NOD2: variants seen among roughly 807,000 people sequenced by gnomAD.
The protein encoded by NOD2 is nucleotide binding oligomerization domain containing 2, also known as nucleotide-binding oligomerization domain-containing protein 2.
Under a neutral mutation model 90.9 loss-of-function variants are expected in NOD2, and 86 were observed. That is an observed-to-expected ratio of 0.95 (90% CI 0.79 to 1.13). NOD2 has a LOEUF of 1.13. NOD2 is among the 50% of genes most tolerant of loss of function. The pLI is 0.00. For synonymous variants in NOD2, 581 were observed against 554.6 expected (o/e 1.05, Z -0.67); for missense variants, 1,238 against 1,283.8 (o/e 0.96, Z 0.55).
chr16:50,704,020 C>G (rs1964066186), intron 2 of NOD2, among the ~76,000 whole-genome samples: 1 of 152,218 alleles, frequency 6.6e-6, no homozygotes, highest in Non-Finnish European at 1.5e-5. Flanking sequence ...CTAAACACTC[C>G]TGTGGAGTGA....
At position 50,711,509 on chromosome 16, in the gene NOD2, A is replaced by G; in HGVS notation, c.1517A>G (p.Gln506Arg). The change falls in exon 4 of 12, where the codon CAA becomes CGA. Residue 506 changes from glutamine (Q) to arginine (R), a missense_variant. This residue lies in a region of NOD2 where 667 missense variants were observed against 688.7 expected (regional missense o/e 0.97). Coordinates refer to ENST00000647318, the MANE Select transcript of NOD2 (RefSeq NM_001370466.1). Reference protein sequence around the residue: ...LHATPPDSASQGLGPSLLRGR... With the variant: ...LHATPPDSASRGLGPSLLRGR... ...GCCACCCCCCCAGACTCAGCTTCCCAAGGTCTGGGACCCAGTCTTCTTCGG... is the reference window on the plus strand; with the variant it reads ...GCCACCCCCCCAGACTCAGCTTCCCGAGGTCTGGGACCCAGTCTTCTTCGG... 5 of 1,613,224 alleles carry G rather than the reference A, an allele frequency of 3.1e-6. No homozygotes were observed. The highest frequency in any genetic ancestry group is 4.2e-6 in the Non-Finnish European group (5 of 1,179,954).
chr16:50,708,038 G>A (rs148716069), intron 3 of NOD2, 78 bp downstream of exon 3: 53 of 994,548 alleles, frequency 5.3e-5, no homozygotes, highest in Admixed American at 1.0e-4. Context: ...AACACACCTC[G>A]GTTAACATCC....
At chr16:50,715,274 A>G (rs1313108449) in intron 4 of NOD2, among the ~76,000 whole-genome samples, 1 of 152,204 alleles carries the variant, frequency 6.6e-6, no homozygotes, top group Non-Finnish European at 1.5e-5. Context: ...GCTTGTTGTG[A>G]GGATGAAATA....
chr16:50,707,816 GC>G, intron 2 of NOD2, 38 bp from the exon 3 acceptor site: 1 of 1,416,532 alleles, frequency 7.1e-7, no homozygotes, highest in South Asian at 1.1e-5. Context: ...TGCTCCATCA[GC>G]CTTCCTGGAA....
At chr16:50,723,769 A>C (rs553921112) in intron 9 of NOD2, among the ~76,000 whole-genome samples, 61 of 152,308 alleles carry the variant, frequency 4.0e-4, no homozygotes, top group Non-Finnish European at 7.5e-4. Context: ...GATTTTTGCA[A>C]GAATTAGATA....
In NOD2 at chr16:50,712,206, G is replaced by A; in HGVS notation, c.2214G>A (p.Gly738=). ...ARKAARGLNV[G]HLKLTFCSVG... ...AGGCTGCACGTGGCCTGAATGTTGGGCACCTCAAGTTGACATTTTGCAGTG... is the reference window on the plus strand; with the variant it reads ...AGGCTGCACGTGGCCTGAATGTTGGACACCTCAAGTTGACATTTTGCAGTG... The change falls in exon 4 of 12, where the codon GGG becomes GGA. Residue 738 remains glycine (G), a synonymous_variant. Coordinates refer to ENST00000647318, the MANE Select transcript of NOD2 (RefSeq NM_001370466.1). 1 of 1,613,900 alleles carries A rather than the reference G, an allele frequency of 6.2e-7. No individual in the cohort carries two copies. The highest frequency in any genetic ancestry group is 8.5e-7 in the Non-Finnish European group (1 of 1,180,032).
At position 50,710,800 on chromosome 16, in the gene NOD2, G is replaced by C; in HGVS notation, c.808G>C (p.Val270Leu). The C allele has an allele frequency of 6.2e-7, 1 of 1,614,148 alleles. No individual in the cohort carries two copies. The highest frequency in any genetic ancestry group is 8.5e-7 in the Non-Finnish European group (1 of 1,180,038). The change falls in exon 4 of 12, where the codon GTG becomes CTG. Residue 270 changes from valine (V) to leucine (L), a missense_variant. Val to Leu is a conservative substitution (Grantham distance 32). Transcript: ENST00000647318. ...HLNDDADTVL[V>L]VGEAGSGKST... ...CAATGACGATGCGGACACTGTGCTG[G>C]TGGTGGGTGAGGCGGGCAGTGGCAA...
intron 1 of NOD2, among the ~76,000 whole-genome samples, chr16:50,696,168 C>G (rs995376840): frequency 4.6e-5 from 7 of 152,194 alleles, no homozygotes; most frequent in Admixed American, 1.3e-4. Flanking sequence ...CCTCTCCTGT[C>G]TGCAAGGGGT....
In NOD2 at chr16:50,720,956, C is replaced by A. The variant is rs539268446; in HGVS notation, c.2633+948C>A. 1.4e-4 allele frequency among the ~76,000 whole-genome samples: 22 copies of A among 152,284 alleles called. No homozygotes were observed. The South Asian group carries it at 4.6e-3, about 32-fold the overall frequency. ...AGTAGCTGGGATTATAGGCACCCACCACCACGCCCAGCTAATTTTTGTATT... is the reference window on the plus strand; with the variant it reads ...AGTAGCTGGGATTATAGGCACCCACAACCACGCCCAGCTAATTTTTGTATT... On this transcript the variant is annotated intron_variant, in intron 7 of 11. Coordinates refer to ENST00000647318, the MANE Select transcript of NOD2 (RefSeq NM_001370466.1).
intron 3 of NOD2, among the ~76,000 whole-genome samples, chr16:50,708,880 G>A (rs969822900): frequency 6.6e-6 from 1 of 152,188 alleles, no homozygotes; most frequent in Admixed American, 6.5e-5. Context: ...ACATCAGTGC[G>A]CCACAGCAGG....
At chr16:50,714,697 C>A (rs1964703497) in intron 4 of NOD2, among the ~76,000 whole-genome samples, 1 of 151,480 alleles carries the variant, frequency 6.6e-6, no homozygotes, top group African/African-American at 2.4e-5. Context: ...GGGGAGGGCA[C>A]AGGCTCCTCT....
At position 50,699,785 on chromosome 16, in the gene NOD2, A is replaced by G; in HGVS notation, c.290A>G (p.Asp97Gly). The change falls in exon 2 of 12, where the codon GAC becomes GGC. Residue 97 changes from aspartate to glycine, a missense_variant. Asp to Gly is a moderately conservative substitution (Grantham distance 94, BLOSUM62 -1). Around this residue, in one of 3 missense-constraint regions of NOD2, gnomAD observed 567 missense variants for 577.3 expected, o/e 0.98. Coordinates refer to ENST00000647318, the MANE Select transcript of NOD2 (RefSeq NM_001370466.1). ...SQSPKLHGCWDPHSLHPARDL... is the reference protein window; with the variant it reads ...SQSPKLHGCWGPHSLHPARDL... ...TCCCCCAAGCTGCATGGCTGCTGGG[A>G]CCCCCACTCGCTCCACCCAGCCCGA... 1.2e-6 allele frequency: 2 copies of G among 1,613,534 alleles called. No individual in the cohort carries two copies. Among genetic ancestry groups the G allele is most frequent in the Non-Finnish European group, 8.5e-7 (1 of 1,179,978 alleles).
chr16:50,714,206 C>T (rs143885661), intron 4 of NOD2, among the ~76,000 whole-genome samples: 50 of 152,182 alleles, frequency 3.3e-4, no homozygotes, highest in African/African-American at 1.1e-3. Context: ...GGGATGTCCC[C>T]GTGATTACCA....
intron 11 of NOD2, 22 bp downstream of exon 11, chr16:50,729,923 G>A (rs1050407526): frequency 6.3e-7 from 1 of 1,589,974 alleles, no homozygotes; most frequent in Admixed American, 1.7e-5. Flanking sequence ...GGGCAGGCCT[G>A]TTTTAGCTCT....
At chr16:50,731,484 C>G (rs889800226) in intron 11 of NOD2, among the ~76,000 whole-genome samples, 1 of 152,176 alleles carries the variant, frequency 6.6e-6, no homozygotes, top group Non-Finnish European at 1.5e-5. Context: ...AAAAGAATCA[C>G]TGGCCTTGGG....
rs976113629 is a variant in NOD2 at position 50,720,330 on chromosome 16, T to C, written c.2633+322T>C. On this transcript the variant is annotated intron_variant, in intron 7 of 11. Transcript: ENST00000647318. ...CCACCTGGAAGCTTCTAAACACTATTGCCAGGCCTCCCACCCCAGACTGAT... is the reference window on the plus strand; with the variant it reads ...CCACCTGGAAGCTTCTAAACACTATCGCCAGGCCTCCCACCCCAGACTGAT... 1.1e-4 allele frequency among the ~76,000 whole-genome samples: 17 copies of C among 152,096 alleles called. 1 individual carries two copies. The highest frequency in any genetic ancestry group is 2.5e-4 in the Non-Finnish European group (17 of 68,008).
intron 2 of NOD2, among the ~76,000 whole-genome samples, chr16:50,706,154 G>A (rs867267117): frequency 6.6e-6 from 1 of 152,204 alleles, no homozygotes; most frequent in Non-Finnish European, 1.5e-5. Flanking sequence ...TGAGAGGACA[G>A]CCAGAGCCAA....
At chr16:50,731,049 GT>G (rs1319772200) in intron 11 of NOD2, among the ~76,000 whole-genome samples, 1 of 152,162 alleles carries the variant, frequency 6.6e-6, no homozygotes, top group Non-Finnish European at 1.5e-5. Flanking sequence ...GTGCGGTGTA[GT>G]TCCTAGCCAC....
At chr16:50,723,506 T>C (rs1042226177) in intron 9 of NOD2, 122 bp downstream of exon 9, 2 of 838,652 alleles carry the variant, frequency 2.4e-6, no homozygotes, top group African/African-American at 3.3e-5. Context: ...ATTGACTGAT[T>C]GATTGATTGT....
Sources: allele counts gnomAD v4.1 joint callset (sites outside exome capture counted in the v4.1 genomes callset), GRCh38; gene constraint gnomAD v4.1.1; regional missense constraint gnomAD v4.1.1; transcripts MANE v1.5; gene names NCBI Gene and HGNC (gene_info 2026-07-23, HGNC 2026-07-21).